The following DPP10 variants were observed in gnomAD, a reference collection of about 807,000 sequenced individuals.
DPP10 encodes inactive dipeptidyl peptidase 10.
Under a neutral mutation model 120.9 loss-of-function variants are expected in DPP10, and 33 were observed. That is an observed-to-expected ratio of 0.27 (90% CI 0.21 to 0.37). DPP10 has a LOEUF of 0.37. Among genes scored for constraint, DPP10 ranks in the 10% least tolerant of loss-of-function variants. DPP10 has a pLI of 1.00. For missense variants in DPP10, 816 were observed against 942.8 expected, an observed-to-expected ratio of 0.87 and a Z score of 1.76; for synonymous variants, 337 against 326.1, an observed-to-expected ratio of 1.03 and a Z score of -0.36.
At chr2:115,380,594 T>C (rs4471900) in intron 3 of DPP10, among the ~76,000 whole-genome samples, 7 of 151,844 alleles carry the variant, frequency 4.6e-5, no homozygotes, top group African/African-American at 1.7e-4. Flanking sequence ...ATCCTGTCAT[T>C]ATGATGTTAG....
intron 1 of DPP10, among the ~76,000 whole-genome samples, chr2:114,861,905 G>T (rs947226222): frequency 2.0e-5 from 3 of 152,074 alleles, no homozygotes; most frequent in Non-Finnish European, 4.4e-5. Context: ...TTATAAGGAA[G>T]TAAGAAACCC....
At chr2:115,768,666 A>G (rs62156288) in intron 13 of DPP10, among the ~76,000 whole-genome samples, 65,815 of 152,016 alleles carry the variant, frequency 0.43, 17,075 homozygotes, top group East Asian at 0.66. Context: ...AGAGAATTTA[A>G]TAAATTAAAA....
At chr2:114,829,819 C>A (rs1046552730) in intron 1 of DPP10, among the ~76,000 whole-genome samples, 1 of 152,166 alleles carries the variant, frequency 6.6e-6, no homozygotes, top group Non-Finnish European at 1.5e-5. Flanking sequence ...TTTCAAACAT[C>A]TGTGACAGAT....
At chr2:115,139,724 TAAAA>T (rs55826687) in intron 1 of DPP10, among the ~76,000 whole-genome samples, 2 of 56,634 alleles carry the variant, frequency 3.5e-5, no homozygotes, top group African/African-American at 7.2e-5. Context: ...GTAAAAATAC[TAAAA>T]AAAAAAAAAA....
At chr2:114,627,117 G>A (rs760395372) in intron 1 of DPP10, among the ~76,000 whole-genome samples, 5 of 152,042 alleles carry the variant, frequency 3.3e-5, no homozygotes, top group South Asian at 2.1e-4. Flanking sequence ...GTCGCAAGTC[G>A]TATTTTTGAT....
At chr2:115,396,630 A>G (rs2067698953) in intron 3 of DPP10, among the ~76,000 whole-genome samples, 1 of 152,244 alleles carries the variant, frequency 6.6e-6, no homozygotes, top group Non-Finnish European at 1.5e-5. Flanking sequence ...AAGAAAGAAA[A>G]ACAGCATGCA....
intron 1 of DPP10, among the ~76,000 whole-genome samples, chr2:115,027,671 A>G (rs888088443): frequency 6.6e-6 from 1 of 152,064 alleles, no homozygotes; most frequent in African/African-American, 2.4e-5. Context: ...GTATTCCGTC[A>G]TCTTCAATTT....
chr2:115,385,349 T>G (rs545413194), intron 3 of DPP10, among the ~76,000 whole-genome samples: 1 of 126,062 alleles, frequency 7.9e-6, no homozygotes, highest in East Asian at 2.2e-4. Flanking sequence ...ATTTCTGTCT[T>G]TCTTTTTTTT....
At chr2:115,758,490 G>GA (rs1306871634) in intron 11 of DPP10, among the ~76,000 whole-genome samples, 3 of 151,802 alleles carry the variant, frequency 2.0e-5, no homozygotes, top group African/African-American at 4.8e-5. Flanking sequence ...TTTTTAAATA[G>GA]AAAAAATTAA....
chr2:114,781,196 G>C (rs565496216), intron 1 of DPP10, among the ~76,000 whole-genome samples: 5 of 152,224 alleles, frequency 3.3e-5, no homozygotes, highest in Non-Finnish European at 7.4e-5. Context: ...TTTAACCTGT[G>C]AAATCTCTCC....
intron 3 of DPP10, among the ~76,000 whole-genome samples, chr2:115,410,458 A>G (rs2068861262): frequency 1.3e-5 from 2 of 152,126 alleles, no homozygotes; most frequent in South Asian, 2.1e-4. Context: ...GAGGGGAACA[A>G]CACACACTGG....
chr2:115,635,295 A>G (rs2086236031), intron 5 of DPP10, among the ~76,000 whole-genome samples: 1 of 152,078 alleles, frequency 6.6e-6, no homozygotes, highest in Non-Finnish European at 1.5e-5. Context: ...AATCTGCACA[A>G]CTCTGCGGTT....
chr2:115,625,511 C>G (rs1360369477), intron 5 of DPP10, among the ~76,000 whole-genome samples: 1 of 151,974 alleles, frequency 6.6e-6, no homozygotes. Flanking sequence ...CAAAGATAAA[C>G]GTTAAGGTAT....
intron 1 of DPP10, among the ~76,000 whole-genome samples, chr2:115,163,069 G>A (rs946582028): frequency 6.6e-6 from 1 of 152,130 alleles, no homozygotes; most frequent in Non-Finnish European, 1.5e-5. Context: ...GGAGGACTGG[G>A]GATCTTTGTT....
At chr2:114,469,399 A>G (rs980996351) in intron 1 of DPP10, among the ~76,000 whole-genome samples, 3 of 152,316 alleles carry the variant, frequency 2.0e-5, no homozygotes, top group Admixed American at 6.5e-5. Flanking sequence ...TTTAACCTTC[A>G]GCCAGGAGAA....
chr2:115,699,036 C>CAAAAAAAAAAAAAA (rs1191197397), intron 7 of DPP10, among the ~76,000 whole-genome samples: 4 of 50,788 alleles, frequency 7.9e-5, no homozygotes, highest in African/African-American at 2.1e-4. Context: ...AAAAAAAAAA[C>CAAAAAAAAAAAAAA]AAAAAAAAAA....
chr2:115,267,047 T>C (rs1483674238), intron 1 of DPP10, among the ~76,000 whole-genome samples: 1 of 152,214 alleles, frequency 6.6e-6, no homozygotes, highest in African/African-American at 2.4e-5. Context: ...TCCAGTCCTA[T>C]AGGACTTCAC....
At chr2:115,399,477 C>G (rs1364800536) in intron 3 of DPP10, among the ~76,000 whole-genome samples, 1 of 152,106 alleles carries the variant, frequency 6.6e-6, no homozygotes, top group Non-Finnish European at 1.5e-5. Context: ...TTTCAGGCTA[C>G]TTGATTTGCA....
At chr2:115,092,151 G>T (rs1273727366) in intron 1 of DPP10, among the ~76,000 whole-genome samples, 1 of 152,140 alleles carries the variant, frequency 6.6e-6, no homozygotes, top group Non-Finnish European at 1.5e-5. Context: ...ATTTGTGCTA[G>T]TTCATCACAC....
Sources: allele counts gnomAD v4.1 joint callset (sites outside exome capture counted in the v4.1 genomes callset), GRCh38; gene constraint gnomAD v4.1.1; transcripts MANE v1.5; gene names NCBI Gene and HGNC (gene_info 2026-07-23, HGNC 2026-07-21).